Variants in ZNF846 observed in about 807,000 individuals in gnomAD.
ZNF846 encodes zinc finger protein 420 pseudogene.
Under a neutral mutation model 16.0 loss-of-function variants are expected in ZNF846, and 15 were observed. That is an observed-to-expected ratio of 0.94 (90% CI 0.63 to 1.45). ZNF846 has a LOEUF of 1.45. ZNF846 is among the 40% of genes most tolerant of loss of function. ZNF846 has a pLI of 0.00. For missense variants in ZNF846, 714 were observed against 622.3 expected (o/e 1.15, Z -1.57); for synonymous variants, 229 against 212.0 (o/e 1.08, Z -0.70).
chr19:9,762,687 T>A (rs1261205200), intron 3 of ZNF846, among the ~76,000 whole-genome samples: 1 of 152,196 alleles, frequency 6.6e-6, no homozygotes, highest in Non-Finnish European at 1.5e-5. Flanking sequence ...GTGTCCAATC[T>A]TTTGGCTTCC....
intron 1 of ZNF846, among the ~76,000 whole-genome samples, chr19:9,781,316 G>A (rs933691052): frequency 1.1e-4 from 17 of 152,020 alleles, no homozygotes; most frequent in African/African-American, 3.9e-4. Context: ...AGGAGAGATG[G>A]GGTTTCACCA....
downstream of ZNF846, among the ~76,000 whole-genome samples, chr19:9,750,353 G>A (rs76034754): frequency 0.12 from 18,215 of 152,120 alleles, 1,351 homozygotes; most frequent in Admixed American, 0.23. Context: ...TATACACCAT[G>A]AGAACTGAAC....
At chr19:9,762,973 G>C (rs2045253025) in intron 3 of ZNF846, among the ~76,000 whole-genome samples, 1 of 152,036 alleles carries the variant, frequency 6.6e-6, no homozygotes, top group African/African-American at 2.4e-5. Context: ...GTGAAACCCT[G>C]TCTCCACTAA....
downstream of ZNF846, among the ~76,000 whole-genome samples, chr19:9,755,113 C>G (rs1025038669): frequency 3.3e-5 from 5 of 151,464 alleles, no homozygotes; most frequent in Non-Finnish European, 7.4e-5. Context: ...ATCCACACAC[C>G]TCAGCCTCCC....
At chr19:9,778,146 C>T (rs1008304205) in intron 1 of ZNF846, among the ~76,000 whole-genome samples, 2 of 152,004 alleles carry the variant, frequency 1.3e-5, no homozygotes, top group African/African-American at 4.8e-5. Context: ...AAACAACTGC[C>T]TTAAAGATGT....
chr19:9,762,138 A>G (rs749436965), exon 4 of ZNF846: 1 of 1,614,132 alleles, frequency 6.2e-7, no homozygotes, highest in Non-Finnish European at 8.5e-7. Flanking sequence ...CAATCCAGAC[A>G]TGAGACTACG....
In ZNF846 at chr19:9,765,825, T is replaced by A. The variant is rs1257449384; in HGVS notation, c.-85-790A>T. 2.8e-5 allele frequency among the ~76,000 whole-genome samples: 4 copies of A among 144,714 alleles called. No homozygotes were observed. The East Asian group carries it at 7.8e-4, about 28-fold the overall frequency. The allele number at this position is 144,714 out of a possible 152,430, so 94.9% of individuals were successfully genotyped here. On this transcript the variant is annotated intron_variant, in intron 1 of 5. Coordinates refer to ENST00000397902, the Ensembl canonical transcript of ZNF846. ...GGCTCATGCCTGTAATCCTAACCCT[T>A]TGGGAGGTTGAAGTAGAAGGATGCT...
At chr19:9,757,683 A>G (rs2045154107) in exon 6 of ZNF846, 1 of 1,613,316 alleles carries the variant, frequency 6.2e-7, no homozygotes, top group African/African-American at 1.3e-5. Flanking sequence ...GTGCATATTA[A>G]GATTTGTGGA....
At chr19:9,765,423 A>G (rs1438568959) in intron 1 of ZNF846, among the ~76,000 whole-genome samples, 4 of 152,080 alleles carry the variant, frequency 2.6e-5, no homozygotes, top group Non-Finnish European at 5.9e-5. Context: ...CTGTAATCCC[A>G]GCACTTTGGG....
intron 1 of ZNF846, among the ~76,000 whole-genome samples, chr19:9,765,762 A>C (rs999301711): frequency 6.6e-6 from 1 of 152,000 alleles, no homozygotes; most frequent in African/African-American, 2.4e-5. Context: ...CAATTGTAAT[A>C]CTATTCTGAC....
chr19:9,778,030 T>G (rs1297797054), intron 1 of ZNF846, among the ~76,000 whole-genome samples: 1 of 151,834 alleles, frequency 6.6e-6, no homozygotes. Context: ...AACAAAAATC[T>G]CAAGGCACAC....
downstream of ZNF846, among the ~76,000 whole-genome samples, chr19:9,753,435 A>G (rs1225184348): frequency 7.6e-6 from 1 of 130,806 alleles, no homozygotes; most frequent in Non-Finnish European, 1.6e-5. Flanking sequence ...TTTTTTTTTT[A>G]AGTAGAGACA....
chr19:9,763,310 C>T (rs1364562536), exon 3 of ZNF846: 5 of 1,604,462 alleles, frequency 3.1e-6, no homozygotes, highest in Non-Finnish European at 4.3e-6. Flanking sequence ...TGTAGTTCTC[C>T]AACATCACAT....
intron 4 of ZNF846, among the ~76,000 whole-genome samples, chr19:9,761,402 T>C (rs1052407797): frequency 4.6e-5 from 7 of 151,790 alleles, no homozygotes; most frequent in Non-Finnish European, 1.0e-4. Context: ...AGTTTGGCTA[T>C]GTCAGAAGTT....
chr19:9,785,638 G>C (rs911739403), intron 1 of ZNF846, among the ~76,000 whole-genome samples: 1 of 35,148 alleles, frequency 2.8e-5, no homozygotes, highest in Non-Finnish European at 5.1e-5. Context: ...CCCAGACCCC[G>C]CCCCATCTCT....
chr19:9,769,584 A>ACATATTTACAAAGAT (rs2045371067), upstream of ZNF846, among the ~76,000 whole-genome samples: 3 of 152,028 alleles, frequency 2.0e-5, no homozygotes, highest in Non-Finnish European at 4.4e-5. Context: ...GCAGGGATAT[A>ACATATTTACAAAGAT]AACATATTTA....
At chr19:9,769,841 T>C (rs2045373565), upstream of ZNF846, among the ~76,000 whole-genome samples, 1 of 151,292 alleles carries the variant, frequency 6.6e-6, no homozygotes, top group African/African-American at 2.4e-5. Flanking sequence ...AATAGCCGGG[T>C]GTGGTGGTGG....
intron 1 of ZNF846, among the ~76,000 whole-genome samples, chr19:9,774,137 C>CA (rs1214199869): frequency 2.0e-5 from 3 of 152,116 alleles, no homozygotes; most frequent in African/African-American, 7.2e-5. Context: ...GACTTAACAT[C>CA]ATATAGATAG....
At chr19:9,754,390 C>G (rs539533191), downstream of ZNF846, among the ~76,000 whole-genome samples, 64 of 150,962 alleles carry the variant, frequency 4.2e-4, no homozygotes, top group Non-Finnish European at 8.2e-4. Context: ...ATGGCAAAAC[C>G]CTGTCTCTAC....
Sources: allele counts gnomAD v4.1 joint callset (sites outside exome capture counted in the v4.1 genomes callset), GRCh38; gene constraint gnomAD v4.1.1; transcripts MANE v1.5; gene names NCBI Gene and HGNC (gene_info 2026-07-23, HGNC 2026-07-21).